TCF12: variants seen among roughly 807,000 people sequenced by gnomAD.
TCF12 encodes DNA-binding protein HTF4.
TCF12 carries 45 observed loss-of-function variants against 86.0 expected under a neutral mutation model. That is an observed-to-expected ratio of 0.52 (90% CI 0.41 to 0.67). The LOEUF (loss-of-function observed/expected upper bound fraction) is 0.67. Ranked by LOEUF, TCF12 falls within the 30% of genes least tolerant of loss-of-function variation. The pLI, the probability that TCF12 is intolerant of heterozygous loss-of-function variation, is 0.00. For missense variants in TCF12, 881 were observed against 859.9 expected, an observed-to-expected ratio of 1.02 and a Z score of -0.31; for synonymous variants, 330 against 299.6, an observed-to-expected ratio of 1.10 and a Z score of -1.05.
At chr15:57,017,611 A>G (rs1189972608) in intron 3 of TCF12, among the ~76,000 whole-genome samples, 2 of 152,200 alleles carry the variant, frequency 1.3e-5, no homozygotes, top group East Asian at 1.9e-4. Context: ...CAAAGTAGGT[A>G]TATCAAAATA....
intron 5 of TCF12, among the ~76,000 whole-genome samples, chr15:57,094,833 T>A (rs1209293092): frequency 6.6e-6 from 1 of 152,200 alleles, no homozygotes; most frequent in South Asian, 2.1e-4. Flanking sequence ...TTGAGTATTA[T>A]GTTCAGCCAT....
chr15:57,025,772 T>G (rs1236233151), intron 3 of TCF12, among the ~76,000 whole-genome samples: 1 of 152,178 alleles, frequency 6.6e-6, no homozygotes, highest in Non-Finnish European at 1.5e-5. Flanking sequence ...TAGTCACCAG[T>G]GTGATGAAAC....
intron 4 of TCF12, among the ~76,000 whole-genome samples, chr15:57,078,405 A>G (rs999446221): frequency 2.0e-5 from 3 of 152,192 alleles, no homozygotes; most frequent in East Asian, 1.9e-4. Flanking sequence ...AATGTGGTAC[A>G]TGCATCTCAG....
intron 18 of TCF12, among the ~76,000 whole-genome samples, chr15:57,271,633 C>T (rs2061148776): frequency 6.6e-6 from 1 of 152,148 alleles, no homozygotes; most frequent in Non-Finnish European, 1.5e-5. Context: ...GAACCAGGTA[C>T]CTCAGTTGGA....
chr15:57,002,808 T>G (rs768809977), intron 3 of TCF12, among the ~76,000 whole-genome samples: 16 of 152,238 alleles, frequency 1.1e-4, no homozygotes, highest in Non-Finnish European at 2.1e-4. Context: ...GCTGTACTAC[T>G]GTAGCAGTTT....
intron 19 of TCF12, 107 bp downstream of exon 19, chr15:57,273,369 T>A (rs4774917): frequency 9.1e-7 from 1 of 1,096,282 alleles, no homozygotes; most frequent in South Asian, 1.5e-5. Flanking sequence ...TTTCTCCCAG[T>A]ACTTCTTCTA....
chr15:57,122,907 A>G (rs1270956219), intron 5 of TCF12, among the ~76,000 whole-genome samples: 1 of 152,238 alleles, frequency 6.6e-6, no homozygotes, highest in Non-Finnish European at 1.5e-5. Context: ...CTTTCTACAT[A>G]AAATAGATAA....
chr15:57,016,753 C>G (rs1403344333), intron 3 of TCF12, among the ~76,000 whole-genome samples: 1 of 151,928 alleles, frequency 6.6e-6, no homozygotes, highest in Admixed American at 6.6e-5. Flanking sequence ...TTTGGACTGT[C>G]CTTTCAAGGA....
At chr15:57,069,746 C>T (rs1470667770) in intron 4 of TCF12, among the ~76,000 whole-genome samples, 2 of 152,226 alleles carry the variant, frequency 1.3e-5, no homozygotes, top group South Asian at 2.1e-4. Context: ...TAGTACTTCC[C>T]AACTCAAAGA....
intron 18 of TCF12, among the ~76,000 whole-genome samples, chr15:57,264,401 A>T (rs1481645185): frequency 6.6e-6 from 1 of 151,566 alleles, no homozygotes; most frequent in African/African-American, 2.4e-5. Flanking sequence ...GGGTTTCACC[A>T]TGTTGGCCAG....
chr15:57,168,442 A>G (rs1375369820), intron 6 of TCF12, among the ~76,000 whole-genome samples: 1 of 152,220 alleles, frequency 6.6e-6, no homozygotes, highest in Non-Finnish European at 1.5e-5. Context: ...CAAGATACAC[A>G]ATTTATTCTG....
intron 8 of TCF12, among the ~76,000 whole-genome samples, chr15:57,222,962 CAA>C (rs1164858712): frequency 2.6e-5 from 4 of 151,214 alleles, no homozygotes; most frequent in African/African-American, 9.7e-5. Flanking sequence ...TTCTGAGAAA[CAA>C]CACAGAAATC....
intron 3 of TCF12, among the ~76,000 whole-genome samples, chr15:57,026,462 A>T (rs962414928): frequency 6.6e-6 from 1 of 152,200 alleles, no homozygotes; most frequent in African/African-American, 2.4e-5. Context: ...ACTCTTGTAG[A>T]AGAGAGGACC....
intron 4 of TCF12, among the ~76,000 whole-genome samples, chr15:57,067,413 G>A (rs1265622985): frequency 2.6e-5 from 4 of 151,324 alleles, no homozygotes; most frequent in Middle Eastern, 3.4e-3. Context: ...AGTGGTGGGC[G>A]CCTGTAGTCC....
chr15:57,269,218 T>G (rs1163922241), intron 18 of TCF12, among the ~76,000 whole-genome samples: 1 of 152,042 alleles, frequency 6.6e-6, no homozygotes, highest in Non-Finnish European at 1.5e-5. Context: ...GTGTATTGGG[T>G]GTGTATATAT....
At chr15:56,980,424 T>C (rs771414920) in intron 3 of TCF12, among the ~76,000 whole-genome samples, 3 of 152,128 alleles carry the variant, frequency 2.0e-5, no homozygotes, top group Non-Finnish European at 4.4e-5. Flanking sequence ...ATCCGGGCAG[T>C]GTGCAGAGTG....
intron 4 of TCF12, among the ~76,000 whole-genome samples, chr15:57,067,437 G>C (rs942775887): frequency 1.4e-5 from 2 of 146,952 alleles, no homozygotes; most frequent in African/African-American, 5.1e-5. Flanking sequence ...CTACTTGGGA[G>C]GCTGAGGCAG....
intron 3 of TCF12, among the ~76,000 whole-genome samples, chr15:56,974,338 A>G (rs2062492600): frequency 6.6e-6 from 1 of 152,122 alleles, no homozygotes; most frequent in African/African-American, 2.4e-5. Context: ...TGATTCTTTG[A>G]AAAAGAACAG....
intron 5 of TCF12, among the ~76,000 whole-genome samples, chr15:57,164,147 AT>A (rs1257357867): frequency 6.6e-6 from 1 of 152,152 alleles, no homozygotes; most frequent in Non-Finnish European, 1.5e-5. Context: ...TTCATTTAGT[AT>A]ATTGAATACA....
Sources: allele counts gnomAD v4.1 joint callset (sites outside exome capture counted in the v4.1 genomes callset), GRCh38; gene constraint gnomAD v4.1.1; transcripts MANE v1.5; gene names NCBI Gene and HGNC (gene_info 2026-07-23, HGNC 2026-07-21).